Variants in PTPRG observed in about 807,000 individuals in gnomAD.
The protein encoded by PTPRG is receptor-type tyrosine-protein phosphatase gamma.
Under a neutral mutation model 165.3 loss-of-function variants are expected in PTPRG, and 102 were observed. That is an observed-to-expected ratio of 0.62 (90% confidence interval 0.53 to 0.73). The LOEUF (loss-of-function observed/expected upper bound fraction) is 0.73. Among genes scored for constraint, PTPRG ranks in the 30% least tolerant of loss-of-function variants. The probability of loss-of-function intolerance (pLI) is 0.00; values close to 1 mark genes in which losing one functional copy is unlikely to be tolerated. For missense variants in PTPRG, 1,866 were observed against 1,861.4 expected, an observed-to-expected ratio of 1.00 and a Z score of -0.05; for synonymous variants, 675 against 669.5, an observed-to-expected ratio of 1.01 and a Z score of -0.13.
intron 2 of PTPRG, among the ~76,000 whole-genome samples, chr3:61,830,023 C>T (rs891707888): frequency 1.3e-5 from 2 of 152,202 alleles, no homozygotes; most frequent in African/African-American, 2.4e-5. Flanking sequence ...GAAACCTTTG[C>T]ATGTGGTGAT....
intron 4 of PTPRG, among the ~76,000 whole-genome samples, chr3:62,011,220 G>T (rs115116691): frequency 0.014 from 2,189 of 152,236 alleles, 47 homozygotes; most frequent in African/African-American, 0.05. Context: ...GAATTGAATT[G>T]TCCGCCGCTG....
chr3:62,042,165 A>G (rs1700149808), intron 4 of PTPRG, among the ~76,000 whole-genome samples: 1 of 152,170 alleles, frequency 6.6e-6, no homozygotes, highest in African/African-American at 2.4e-5. Context: ...ATTTGGGGCA[A>G]GCTCAGAGAT....
intron 1 of PTPRG, among the ~76,000 whole-genome samples, chr3:61,740,438 T>C (rs2032930849): frequency 6.6e-6 from 1 of 152,218 alleles, no homozygotes; most frequent in African/African-American, 2.4e-5. Flanking sequence ...TTTTCTGAGA[T>C]CTGTTGGAAA....
chr3:61,571,478 G>A (rs1220464478), intron 1 of PTPRG, among the ~76,000 whole-genome samples: 9 of 152,166 alleles, frequency 5.9e-5, no homozygotes, highest in Admixed American at 5.2e-4. Context: ...TGGAATAAAG[G>A]TGTCTTCCTG....
chr3:61,703,293 G>C (rs2031075152), intron 1 of PTPRG, among the ~76,000 whole-genome samples: 1 of 152,146 alleles, frequency 6.6e-6, no homozygotes, highest in Non-Finnish European at 1.5e-5. Context: ...CTGGAAAATA[G>C]ATAAAGGACA....
At chr3:61,857,697 A>G (rs2037151369) in intron 2 of PTPRG, among the ~76,000 whole-genome samples, 1 of 152,208 alleles carries the variant, frequency 6.6e-6, no homozygotes, top group Non-Finnish European at 1.5e-5. Flanking sequence ...AGACTAATAT[A>G]GTTCCTAACG....
Position 61,886,551 on chromosome 3 carries a change from C to T in PTPRG, c.191-103074C>T, listed in dbSNP as rs2038043792. Among the ~76,000 whole-genome samples, 9 of 152,036 alleles carry T rather than the reference C, an allele frequency of 5.9e-5. No individual in the cohort carries two copies. In the South Asian group the frequency reaches 1.7e-3, roughly 28 times the overall value. ...TCTACAACTTGTCCTGTATGCCTTC[C>T]CCGCCCTGCCCCTTGCCACCTCCAC... On this transcript the variant is annotated intron_variant, in intron 2 of 29. Coordinates refer to ENST00000474889, the MANE Select transcript of PTPRG (RefSeq NM_002841.4).
Position 61,920,615 on chromosome 3 carries a change from C to T in PTPRG, c.191-69010C>T, listed in dbSNP as rs998363348. ...TTCACCATGTTGGCCAGGATGGTCT[C>T]TGTCTTCTGACCTCTTGATCCGCCT... On this transcript the variant is annotated intron_variant, in intron 2 of 29. Transcript: ENST00000474889. 1.2e-4 allele frequency among the ~76,000 whole-genome samples: 19 copies of T among 152,106 alleles called. 1 individual carries two copies. Among genetic ancestry groups the T allele is most frequent in the African/African-American group, 4.3e-4 (18 of 41,412 alleles).
At chr3:61,610,046 G>A (rs867238548) in intron 1 of PTPRG, among the ~76,000 whole-genome samples, 1 of 148,136 alleles carries the variant, frequency 6.8e-6, no homozygotes, top group African/African-American at 2.5e-5. Context: ...AGGCAGTGAG[G>A]CATGTGATGT....
At chr3:61,627,088 C>T (rs1262353294) in intron 1 of PTPRG, among the ~76,000 whole-genome samples, 2 of 122,918 alleles carry the variant, frequency 1.6e-5, no homozygotes, top group African/African-American at 6.6e-5. Context: ...TTGAACAAAT[C>T]AATGTTAAAA....
Position 62,271,423 on chromosome 3 carries a change from T to A in PTPRG, c.3050T>A (p.Val1017Glu). 1.2e-6 allele frequency: 2 copies of A among 1,612,722 alleles called. No homozygotes were observed. The highest frequency in any genetic ancestry group is 8.5e-7 in the Non-Finnish European group (1 of 1,179,230). The change falls in exon 21 of 30, where the codon GTA becomes GAA. Residue 1017 changes from valine to glutamate, a missense_variant. Val to Glu is a moderately radical substitution (Grantham distance 121, BLOSUM62 -2). Coordinates refer to ENST00000474889, the MANE Select transcript of PTPRG (RefSeq NM_002841.4). This position sits in a 1 kb window ranked among gnomAD's most constrained non-coding sequence, Gnocchi z 4.1. Reference protein sequence around the residue: ...GNPKGRQNERVVIQYHYTQWP... With the variant: ...GNPKGRQNEREVIQYHYTQWP... ...CCCAAGGGTCGTCAGAATGAAAGGG[T>A]AGTGATCCAGTATCACTATACACAG... is the stretch of plus-strand genomic sequence containing the variant.
chr3:61,844,925 A>G lies in PTPRG; in HGVS notation c.190+95943A>G, dbSNP rs185887656. On this transcript the variant is annotated intron_variant, in intron 2 of 29. Coordinates refer to ENST00000474889, the MANE Select transcript of PTPRG (RefSeq NM_002841.4). ...ATACCTACATCAAATAACTGGCAAT[A>G]GTTGAAAGGTTTTTTAACTATATAA... Among the ~76,000 whole-genome samples the G allele has an allele frequency of 1.1e-3, 172 of 152,342 alleles. 2 individuals are homozygous for G. The highest frequency in any genetic ancestry group is 3.7e-3 in the African/African-American group (155 of 41,588).
intron 5 of PTPRG, among the ~76,000 whole-genome samples, chr3:62,086,405 C>A (rs1464478339): frequency 6.6e-6 from 1 of 151,748 alleles, no homozygotes; most frequent in Non-Finnish European, 1.5e-5. Flanking sequence ...AACCCCAGAC[C>A]CCCAGAAAAA....
intron 2 of PTPRG, among the ~76,000 whole-genome samples, chr3:61,819,600 G>A (rs2035894256): frequency 6.6e-6 from 1 of 152,046 alleles, no homozygotes; most frequent in Non-Finnish European, 1.5e-5. Context: ...TACCTATAAG[G>A]TAGTTCTGCC....
chr3:61,726,105 T>A (rs529488636), intron 1 of PTPRG, among the ~76,000 whole-genome samples: 26 of 152,286 alleles, frequency 1.7e-4, no homozygotes, highest in Non-Finnish European at 3.2e-4. Flanking sequence ...ATCTAACCTC[T>A]CTAGTTTAAA....
chr3:61,741,479 T>A (rs77159562), intron 1 of PTPRG, among the ~76,000 whole-genome samples: 7,187 of 152,292 alleles, frequency 0.047, 303 homozygotes, highest in African/African-American at 0.11. Flanking sequence ...TGACCTATTC[T>A]CCCAGGCTTC....
intron 28 of PTPRG, among the ~76,000 whole-genome samples, chr3:62,287,960 AACAT>A (rs1702732687): frequency 6.6e-6 from 1 of 152,186 alleles, no homozygotes; most frequent in Non-Finnish European, 1.5e-5. Flanking sequence ...CCAGTGAAAT[AACAT>A]CCCAAATCCT....
chr3:61,665,542 G>A (rs558249969), intron 1 of PTPRG, among the ~76,000 whole-genome samples: 114 of 151,772 alleles, frequency 7.5e-4, no homozygotes, highest in African/African-American at 2.7e-3. Flanking sequence ...TTCTAGGCTG[G>A]GTTCTGGTAA....
In PTPRG at chr3:62,168,050, G is replaced by A; in HGVS notation, c.920G>A (p.Arg307Gln). Reference sequence around the variant, plus strand: ...GTGGAGTATCTGAGAAATAACTTTCGACCACAGCAGCGTCTGCATGACAGG... The same window carrying A: ...GTGGAGTATCTGAGAAATAACTTTCAACCACAGCAGCGTCTGCATGACAGG... ...KSVEYLRNNF[R>Q]PQQRLHDRVV... The change falls in exon 8 of 30, where the codon CGA becomes CAA. Residue 307 changes from arginine to glutamine, a missense_variant. Coordinates refer to ENST00000474889, the MANE Select transcript of PTPRG (RefSeq NM_002841.4). 1 of 1,613,642 alleles carries A rather than the reference G, an allele frequency of 6.2e-7. No individual in the cohort carries two copies. The highest frequency in any genetic ancestry group is 8.5e-7 in the Non-Finnish European group (1 of 1,179,932).
Sources: allele counts gnomAD v4.1 joint callset (sites outside exome capture counted in the v4.1 genomes callset), GRCh38; gene constraint gnomAD v4.1.1; non-coding constraint Gnocchi (gnomAD v3.1); transcripts MANE v1.5; gene names NCBI Gene and HGNC (gene_info 2026-07-23, HGNC 2026-07-21).